DNAH2: variants seen among roughly 807,000 people sequenced by gnomAD.
The protein encoded by DNAH2 is axonemal beta dynein heavy chain 2.
Under a neutral mutation model 523.5 loss-of-function variants are expected in DNAH2, and 323 were observed. That is an observed-to-expected ratio of 0.62 (90% CI 0.56 to 0.68). DNAH2 has a LOEUF of 0.68. DNAH2 is among the 30% of genes least tolerant of loss of function. The pLI is 0.00. For missense variants in DNAH2, 4,907 were observed against 5,701.5 expected (o/e 0.86, Z 4.49); for synonymous variants, 2,093 against 2,177.4 (o/e 0.96, Z 1.08).
At position 7,824,146 on chromosome 17, in the gene DNAH2, C is replaced by A; in HGVS notation, c.11504C>A (p.Ser3835Tyr). 6.4e-7 allele frequency: 1 copy of A among 1,569,766 alleles called. No individual in the cohort carries two copies. Among genetic ancestry groups the A allele is most frequent in the Non-Finnish European group, 8.6e-7 (1 of 1,160,766 alleles). The part of the protein sequence containing the change: ...KSVLEDSTPR[S>Y]PLVFILSPGV... ...GTGCTGGAGGATTCAACCCCACGAT[C>A]CCCACTCGTGTTCATCCTGTCCCCT... The change falls in exon 76 of 86, where the codon TCC becomes TAC. Residue 3835 changes from serine to tyrosine, a missense_variant. Physicochemically the swap from Ser to Tyr is moderately radical, Grantham distance 144. Around this residue, in one of 3 missense-constraint regions of DNAH2, gnomAD observed 1,851 missense variants for 2,139.4 expected, o/e 0.87. Coordinates refer to ENST00000572933, the MANE Select transcript of DNAH2 (RefSeq NM_020877.5).
At chr17:7,802,055 G>A in intron 58 of DNAH2, 38 bp downstream of exon 58, 1 of 1,611,634 alleles carries the variant, frequency 6.2e-7, no homozygotes, top group Non-Finnish European at 8.5e-7. Flanking sequence ...GGCCAGGGAG[G>A]CTGGTGTCTT....
intron 12 of DNAH2, among the ~76,000 whole-genome samples, chr17:7,747,994 A>T (rs757996653): frequency 2.0e-5 from 3 of 152,240 alleles, no homozygotes; most frequent in Non-Finnish European, 2.9e-5. Flanking sequence ...TAAGATCTTG[A>T]AATAAGCAGA....
chr17:7,802,756 C>A lies in DNAH2; in HGVS notation c.8972+739C>A, dbSNP rs564488751. On this transcript the variant is annotated intron_variant, in intron 58 of 85. Transcript: ENST00000572933. ...TTGGCTCACTGCAACCTCTGCCTCC[C>A]GGGTTCAAGTGACTCTCCTGCCTCA... 1.0e-3 allele frequency among the ~76,000 whole-genome samples: 153 copies of A among 151,974 alleles called. 1 individual carries two copies. The highest frequency in any genetic ancestry group is 3.6e-3 in the African/African-American group (151 of 41,458).
rs1160854343 is a variant in DNAH2, at chr17:7,718,083, A to G, written c.-731A>G. On this transcript the variant is annotated 5_prime_UTR_variant, in exon 1 of 86. Transcript: ENST00000572933. ...CAGCTGCTGGTATAAATACTGCTGGATAAATACTGCTGGATTTATACTGCA... is the reference window on the plus strand; with the variant it reads ...CAGCTGCTGGTATAAATACTGCTGGGTAAATACTGCTGGATTTATACTGCA... The G allele has an allele frequency of 2.6e-5, 4 of 152,134 alleles. No individual in the cohort carries two copies. The highest frequency in any genetic ancestry group is 4.4e-5 in the Non-Finnish European group (3 of 68,026). 9.4% of individuals were successfully genotyped at this position (152,134 alleles called of 1,614,324 possible). A position where few individuals can be genotyped will look rare whatever the true frequency, so the allele number is the denominator to read the frequency against.
chr17:7,798,417 G>T lies in DNAH2; in HGVS notation c.8398+93G>T. ...AGGAGAGATGGCAGCCAGATGGGCA[G>T]ACGTGTCTGGCCCGTGTTGGGTGTA... is the stretch of plus-strand genomic sequence containing the variant. On this transcript the variant is annotated intron_variant, in intron 54 of 85. Transcript: ENST00000572933. This position sits in a 1 kb window ranked among gnomAD's most constrained non-coding sequence, Gnocchi z 5.5. The T allele has an allele frequency of 3.3e-6, 5 of 1,533,934 alleles. No individual in the cohort carries two copies. The highest frequency in any genetic ancestry group is 4.6e-5 in the East Asian group (2 of 43,658).
In DNAH2 at chr17:7,731,265, G is replaced by T. The variant is rs144899294; in HGVS notation, c.400-1822G>T. Among the ~76,000 whole-genome samples, 1,017 of 152,128 alleles carry T rather than the reference G, an allele frequency of 6.7e-3. 11 individuals carry two copies. The highest frequency in any genetic ancestry group is 0.022 in the African/African-American group (898 of 41,546). ...ATGTGTGATCTTGGATTAGATTCTG[G>T]ATTGGGTCTTTCAAAGCAGTGAGCT... On this transcript the variant is annotated intron_variant, in intron 4 of 85. Transcript: ENST00000572933.
At position 7,733,475 on chromosome 17, in the gene DNAH2, C is replaced by CTTTTTTTTTTTTTTTTTTTTTTTTT; in HGVS notation, c.628+180_628+181insTTTTTTTTTTTTTTTTTTTTTTTTT. 1.1e-3 allele frequency among the ~76,000 whole-genome samples: 129 copies of CTTTTTTTTTTTTTTTTTTTTTTTTT among 113,858 alleles called. 5 individuals are homozygous for CTTTTTTTTTTTTTTTTTTTTTTTTT. Among genetic ancestry groups the CTTTTTTTTTTTTTTTTTTTTTTTTT allele is most frequent in the Non-Finnish European group, 1.4e-3 (75 of 52,450 alleles). The allele number at this position is 113,858 out of a possible 152,430, so 74.7% of individuals were successfully genotyped here. A position where few individuals can be genotyped will look rare whatever the true frequency, so the allele number is the denominator to read the frequency against. On this transcript the variant is annotated intron_variant, in intron 5 of 85. Coordinates refer to ENST00000572933, the MANE Select transcript of DNAH2 (RefSeq NM_020877.5). ...AGGGTACAAGATCCGCCTTCTTCTTCTTTTTTTTTTTTTTTTTTTTGAGAT... is the reference window on the plus strand; with the variant it reads ...AGGGTACAAGATCCGCCTTCTTCTTCTTTTTTTTTTTTTTTTTTTTTTTTTTTTTTTTTTTTTTTTTTTTTGAGAT...
At position 7,792,359 on chromosome 17, in the gene DNAH2, G is replaced by A. The variant is rs764441054; in HGVS notation, c.7145+16G>A. The A allele has an allele frequency of 1.2e-5, 19 of 1,613,628 alleles. No homozygotes were observed. Among genetic ancestry groups the A allele is most frequent in the Non-Finnish European group, 1.6e-5 (19 of 1,179,628 alleles). On this transcript the variant is annotated intron_variant, in intron 46 of 85. Coordinates refer to ENST00000572933, the MANE Select transcript of DNAH2 (RefSeq NM_020877.5). ...ACCCTCCAAAGTAAGAGCTGGGCCTGGGTGTGAGGAGGGCATGGGGCAGCG... is the reference window on the plus strand; with the variant it reads ...ACCCTCCAAAGTAAGAGCTGGGCCTAGGTGTGAGGAGGGCATGGGGCAGCG...
Position 7,821,251 on chromosome 17 carries a change from G to T in DNAH2, c.11024G>T (p.Cys3675Phe). ...YHTYAVYRYT[C>F]RTLFERHKLL... The stretch of plus-strand genomic sequence containing the variant: ...CTGTCCCTTTCTCCCAGGTACACCT[G>T]CCGTACCCTTTTCGAACGCCACAAA... Residue 3675 changes from cysteine (C) to phenylalanine (F), a missense_variant, in exon 73 of 86, where the codon TGC becomes TTC. Cys to Phe is a radical substitution (Grantham distance 205). Coordinates refer to ENST00000572933, the MANE Select transcript of DNAH2 (RefSeq NM_020877.5). This position sits in a 1 kb window ranked among gnomAD's most constrained non-coding sequence, Gnocchi z 5.0. 6.2e-7 allele frequency: 1 copy of T among 1,613,266 alleles called. No individual in the cohort carries two copies. Among genetic ancestry groups the T allele is most frequent in the Non-Finnish European group, 8.5e-7 (1 of 1,179,510 alleles).
chr17:7,817,526 C>T (rs759832865), intron 65 of DNAH2, 35 bp from the exon 66 acceptor site: 6 of 1,613,632 alleles, frequency 3.7e-6, no homozygotes, highest in Non-Finnish European at 5.1e-6. Flanking sequence ...GGGCTCAGCT[C>T]TTCAAGTTAA....
In DNAH2 at chr17:7,780,086, G is replaced by A; in HGVS notation, c.5723-71G>A. ...GGGTGGGAGAAAATGAGACTGATTGGAAAGTGGGTTTGGGGAAGCAAATCA... is the reference window on the plus strand; with the variant it reads ...GGGTGGGAGAAAATGAGACTGATTGAAAAGTGGGTTTGGGGAAGCAAATCA... On this transcript the variant is annotated intron_variant, in intron 36 of 85. Coordinates refer to ENST00000572933, the MANE Select transcript of DNAH2 (RefSeq NM_020877.5). This position sits in a 1 kb window ranked among gnomAD's most constrained non-coding sequence, Gnocchi z 4.4. 2 of 1,560,972 alleles carry A rather than the reference G, an allele frequency of 1.3e-6. No individual in the cohort carries two copies. The highest frequency in any genetic ancestry group is 1.7e-6 in the Non-Finnish European group (2 of 1,152,422).
chr17:7,766,525 G>T (rs1195795053), intron 22 of DNAH2, 44 bp downstream of exon 22: 6 of 1,595,142 alleles, frequency 3.8e-6, no homozygotes, highest in Middle Eastern at 1.9e-4. Flanking sequence ...TCGATAAGGG[G>T]CAGGGACAGG....
chr17:7,742,299 C>T (rs903310830), intron 11 of DNAH2, among the ~76,000 whole-genome samples: 4 of 152,092 alleles, frequency 2.6e-5, no homozygotes, highest in Admixed American at 1.3e-4. Flanking sequence ...GGTGTGGTGG[C>T]GGGCACCTGT....
rs1451060047 is a variant in DNAH2, at chr17:7,741,291, TTTCTTCCTTCCTTCCCTCCCTCCC to T, written c.1689+301_1689+324del. ...CTTTCTTTCTTTCTTTCTTTCTTTC[TTTCTTCCTTCCTTCCCTCCCTCCC>T]TCCCTCCCTCCTTCCTTCCTTCCTT... On this transcript the variant is annotated intron_variant, in intron 11 of 85. Coordinates refer to ENST00000572933, the MANE Select transcript of DNAH2 (RefSeq NM_020877.5). Among the ~76,000 whole-genome samples, 63 of 53,112 alleles carry T rather than the reference TTTCTTCCTTCCTTCCCTCCCTCCC, an allele frequency of 1.2e-3. 2 individuals carry two copies. The highest frequency in any genetic ancestry group is 3.3e-4 in the Non-Finnish European group (10 of 30,626). 34.8% of individuals were successfully genotyped at this position (53,112 alleles called of 152,430 possible). A position where few individuals can be genotyped will look rare whatever the true frequency, so the allele number is the denominator to read the frequency against.
chr17:7,798,038 TCTC>T lies in DNAH2; in HGVS notation c.8231-118_8231-116del. 7.0e-7 allele frequency: 1 copy of T among 1,424,688 alleles called. No homozygotes were observed. Among genetic ancestry groups the T allele is most frequent in the East Asian group, 2.3e-5 (1 of 43,398 alleles). 88.3% of individuals were successfully genotyped at this position (1,424,688 alleles called of 1,614,324 possible). A position where few individuals can be genotyped will look rare whatever the true frequency, so the allele number is the denominator to read the frequency against. ...TCCTGGGCCTTGGGCACCAACTTCT[TCTC>T]ATACCTCTTGGTTCCTCTGCTTCAG... On this transcript the variant is annotated intron_variant, in intron 53 of 85. Coordinates refer to ENST00000572933, the MANE Select transcript of DNAH2 (RefSeq NM_020877.5). The surrounding 1 kb of genome is among the most constrained non-coding windows in gnomAD (Gnocchi z 5.5).
chr17:7,741,272 T>G (rs2075318248), intron 11 of DNAH2, among the ~76,000 whole-genome samples: 1 of 52,006 alleles, frequency 1.9e-5, no homozygotes. Context: ...CTTTCTTTCT[T>G]TCTTTCTTTC....
chr17:7,787,924 G>T lies in DNAH2; in HGVS notation c.6668G>T (p.Gly2223Val). The T allele has an allele frequency of 1.2e-6, 2 of 1,614,186 alleles. No homozygotes were observed. The highest frequency in any genetic ancestry group is 1.7e-6 in the Non-Finnish European group (2 of 1,180,038). The change falls in exon 43 of 86, where the codon GGG (glycine) becomes GTG (valine). Residue 2223 changes from glycine to valine, a missense_variant. Gly to Val is a moderately radical substitution (Grantham distance 109, BLOSUM62 -3). Around this residue, in one of 3 missense-constraint regions of DNAH2, gnomAD observed 2,806 missense variants for 3,190.8 expected, o/e 0.88. Coordinates refer to ENST00000572933, the MANE Select transcript of DNAH2 (RefSeq NM_020877.5). Reference protein sequence around the residue: ...MASPATVSRCGMVYTDYADLG... With the variant: ...MASPATVSRCVMVYTDYADLG... ...TCTCCGGCCACTGTATCCCGCTGCG[G>T]GATGGTCTACACTGACTACGCTGAC...
chr17:7,719,985 G>A, intron 2 of DNAH2, 85 bp downstream of exon 2: 1 of 1,407,754 alleles, frequency 7.1e-7, no homozygotes, highest in Non-Finnish European at 9.3e-7. Context: ...GGGCTGGGGA[G>A]CAGGCGCTGT....
intron 12 of DNAH2, among the ~76,000 whole-genome samples, chr17:7,751,226 C>T (rs2075674883): frequency 6.6e-6 from 1 of 151,786 alleles, no homozygotes; most frequent in Non-Finnish European, 1.5e-5. Flanking sequence ...TGACTGCAAC[C>T]TCTGCGTCCT....
Sources: gnomAD v4.1 joint callset for allele counts (sites outside exome capture counted in the v4.1 genomes callset) on GRCh38, gnomAD v4.1.1 for gene constraint, gnomAD v4.1.1 regional missense constraint, Gnocchi (gnomAD v3.1) non-coding constraint, MANE v1.5 for transcripts, NCBI Gene and HGNC (gene_info 2026-07-23, HGNC 2026-07-21) for gene names.